PLCB4: variants seen among roughly 807,000 people sequenced by gnomAD.
The protein encoded by PLCB4 is 1-phosphatidylinositol 4,5-bisphosphate phosphodiesterase beta-4.
PLCB4 carries 77 observed loss-of-function variants against 178.8 expected under a neutral mutation model. That is an observed-to-expected ratio of 0.43 (90% CI 0.36 to 0.52). The LOEUF is 0.52. PLCB4 is among the 20% of genes least tolerant of loss of function. The pLI is 0.00. For synonymous variants in PLCB4, 496 were observed against 490.8 expected, an observed-to-expected ratio of 1.01 and a Z score of -0.14; for missense variants, 1,024 against 1,453.4, an observed-to-expected ratio of 0.70 and a Z score of 4.80.
intron 3 of PLCB4, among the ~76,000 whole-genome samples, chr20:9,231,456 G>C (rs1408039481): frequency 1.3e-5 from 2 of 152,090 alleles, no homozygotes; most frequent in Non-Finnish European, 2.9e-5. Context: ...CCACCTTCTT[G>C]CTGTATTCAC....
chr20:9,408,207 C>A (rs2039589331), intron 22 of PLCB4, 149 bp downstream of exon 22: 2 of 680,678 alleles, frequency 2.9e-6, no homozygotes, highest in South Asian at 3.8e-5. Context: ...ACCATAGAAG[C>A]CACCTTGGTA....
chr20:9,382,726 T>C (rs906663292), intron 13 of PLCB4, among the ~76,000 whole-genome samples: 2 of 152,194 alleles, frequency 1.3e-5, no homozygotes, highest in African/African-American at 4.8e-5. Context: ...ATCACCTTCC[T>C]CCCTGCTTTC....
intron 3 of PLCB4, among the ~76,000 whole-genome samples, chr20:9,239,112 G>A (rs567516019): frequency 2.0e-5 from 3 of 151,964 alleles, no homozygotes; most frequent in Non-Finnish European, 4.4e-5. Context: ...TCTGTGGCCC[G>A]TGTTAGTTTA....
At chr20:9,298,886 A>G (rs1210733572) in intron 3 of PLCB4, among the ~76,000 whole-genome samples, 1 of 152,052 alleles carries the variant, frequency 6.6e-6, no homozygotes, top group Admixed American at 6.6e-5. Flanking sequence ...ACTCCAGGAA[A>G]TTGTTTTTAA....
intron 3 of PLCB4, among the ~76,000 whole-genome samples, chr20:9,266,235 T>A (rs368911551): frequency 4.6e-5 from 7 of 152,324 alleles, no homozygotes; most frequent in Admixed American, 1.3e-4. Context: ...CCAGATCTAC[T>A]GAATGAGAAT....
chr20:9,206,706 C>A (rs1006560460), intron 2 of PLCB4, among the ~76,000 whole-genome samples: 1 of 152,112 alleles, frequency 6.6e-6, no homozygotes, highest in African/African-American at 2.4e-5. Context: ...AAACTAAGAC[C>A]CTGCTTGGAT....
At chr20:9,446,972 C>A (rs987125516) in intron 32 of PLCB4, among the ~76,000 whole-genome samples, 1 of 152,138 alleles carries the variant, frequency 6.6e-6, no homozygotes, top group Non-Finnish European at 1.5e-5. Context: ...GAGAGGGGAA[C>A]AATGTGGTGA....
At chr20:9,412,515 G>T (rs1001304857) in intron 25 of PLCB4, among the ~76,000 whole-genome samples, 2 of 152,136 alleles carry the variant, frequency 1.3e-5, no homozygotes, top group Non-Finnish European at 2.9e-5. Context: ...CTTTTTTCTA[G>T]AACGAAACAG....
At chr20:9,357,272 G>A (rs2034918768) in intron 7 of PLCB4, among the ~76,000 whole-genome samples, 1 of 152,184 alleles carries the variant, frequency 6.6e-6, no homozygotes, top group Non-Finnish European at 1.5e-5. Flanking sequence ...GAAAGCTGCT[G>A]CCTATAGCAT....
At position 9,102,344 on chromosome 20, in the gene PLCB4, C is replaced by A. The variant is rs555236232; in HGVS notation, c.-79+6002C>A. On this transcript the variant is annotated intron_variant, in intron 2 of 39. Coordinates refer to ENST00000378473, the MANE Select transcript of PLCB4 (RefSeq NM_001377142.1). ...GCCAATGAAGATGGAAAGAGGGAAA[C>A]AATTATACAAAATCATCTTAGATTA... Among the ~76,000 whole-genome samples, 24 of 152,224 alleles carry A rather than the reference C, an allele frequency of 1.6e-4. No homozygotes were observed. The South Asian group carries it at 2.9e-3, about 18-fold the overall frequency.
intron 13 of PLCB4, 115 bp downstream of exon 13, chr20:9,380,277 T>A (rs1482678033): frequency 1.3e-5 from 7 of 548,260 alleles, no homozygotes; most frequent in Non-Finnish European, 2.3e-5. Context: ...AGCCATGGAT[T>A]GATGACTATT....
chr20:9,387,401 T>C (rs2148394721), intron 14 of PLCB4, 62 bp from the exon 15 acceptor site: 4 of 826,060 alleles, frequency 4.8e-6, no homozygotes, highest in Admixed American at 4.8e-5. Flanking sequence ...GTCTTTCTTT[T>C]AATTTGTATG....
At chr20:9,283,237 GC>G (rs1472000564) in intron 3 of PLCB4, among the ~76,000 whole-genome samples, 2 of 151,976 alleles carry the variant, frequency 1.3e-5, no homozygotes, top group African/African-American at 4.8e-5. Flanking sequence ...CCTGCCCCCA[GC>G]TGAGGCTGCA....
intron 1 of PLCB4, among the ~76,000 whole-genome samples, chr20:9,079,789 A>G (rs2090059081): frequency 6.6e-6 from 1 of 152,042 alleles, no homozygotes; most frequent in Admixed American, 6.6e-5. Context: ...CATGGCTGGT[A>G]TCAGTAAAAT....
intron 1 of PLCB4, among the ~76,000 whole-genome samples, chr20:9,096,028 A>T (rs1438549275): frequency 3.3e-5 from 5 of 152,108 alleles, no homozygotes; most frequent in African/African-American, 1.2e-4. Context: ...ATTTTGAGCA[A>T]TTTTCATTTA....
intron 2 of PLCB4, among the ~76,000 whole-genome samples, chr20:9,127,868 G>A (rs1397988317): frequency 1.3e-5 from 2 of 152,010 alleles, no homozygotes; most frequent in Non-Finnish European, 2.9e-5. Flanking sequence ...TATTTTTTTA[G>A]TAGAGACGGG....
intron 2 of PLCB4, among the ~76,000 whole-genome samples, chr20:9,136,701 C>T (rs1361879065): frequency 6.6e-6 from 1 of 152,062 alleles, no homozygotes; most frequent in Non-Finnish European, 1.5e-5. Flanking sequence ...TACACACAGT[C>T]GATTCCAATA....
intron 2 of PLCB4, among the ~76,000 whole-genome samples, chr20:9,175,049 A>G (rs2093131218): frequency 6.6e-6 from 1 of 152,204 alleles, no homozygotes; most frequent in South Asian, 2.1e-4. Context: ...CCAGAACTAT[A>G]GTAGGACATA....
intron 1 of PLCB4, among the ~76,000 whole-genome samples, chr20:9,088,995 T>G (rs1020345366): frequency 7.2e-5 from 11 of 151,936 alleles, no homozygotes; most frequent in African/African-American, 1.2e-4. Flanking sequence ...TATAAAAATA[T>G]ACTTTAAGAG....
Sources: gnomAD v4.1 joint callset for allele counts (sites outside exome capture counted in the v4.1 genomes callset) on GRCh38, gnomAD v4.1.1 for gene constraint, MANE v1.5 for transcripts, NCBI Gene and HGNC (gene_info 2026-07-23, HGNC 2026-07-21) for gene names.